ESCO1: variants seen among roughly 807,000 people sequenced by gnomAD.
ESCO1 encodes N-acetyltransferase ESCO1.
ESCO1 carries 33 observed loss-of-function variants against 83.5 expected under a neutral mutation model. That is an observed-to-expected ratio of 0.40 (90% confidence interval 0.30 to 0.53). The LOEUF (loss-of-function observed/expected upper bound fraction) is 0.53. Among genes scored for constraint, ESCO1 ranks in the 20% least tolerant of loss-of-function variants. ESCO1 has a pLI of 0.63. For synonymous variants in ESCO1, 332 were observed against 324.3 expected (o/e 1.02, Z -0.25); for missense variants, 855 against 968.0 (o/e 0.88, Z 1.55).
At chr18:21,585,839 C>T (rs1199582079) in intron 1 of ESCO1, among the ~76,000 whole-genome samples, 1 of 152,088 alleles carries the variant, frequency 6.6e-6, no homozygotes, top group Non-Finnish European at 1.5e-5. Flanking sequence ...GCCATTCTCC[C>T]ACCTCGGCCT....
Position 21,573,860 on chromosome 18 carries a change from C to T in ESCO1, c.984G>A (p.Met328Ile), listed in dbSNP as rs2038376654. Residue 328 changes from methionine (M) to isoleucine (I), a missense_variant, in exon 4 of 12, where the codon ATG becomes ATA. Transcript: ENST00000269214. ...NVEVKKESSQ[M>I]ESVKEEKPTE... is the part of the protein sequence containing the mutation. ...TGGGCTTTTCTTCCTTTACACTTTC[C>T]ATTTGTGAAGATTCCTTTTTTACCT... 10 of 1,613,882 alleles carry T rather than the reference C, an allele frequency of 6.2e-6. No homozygotes were observed. The highest frequency in any genetic ancestry group is 8.5e-6 in the Non-Finnish European group (10 of 1,180,024).
In ESCO1 at chr18:21,529,614, TGAAA is replaced by T. The variant is rs1482693346; in HGVS notation, c.*725_*728del. ...ATTTATTTTAAAAGTGAAACCAGAA[TGAAA>T]GAATAATGAATCTAGGAGGGTACCT... On this transcript the variant is annotated 3_prime_UTR_variant, in exon 12 of 12. Coordinates refer to ENST00000269214, the MANE Select transcript of ESCO1 (RefSeq NM_052911.3). 5.5e-4 allele frequency: 84 copies of T among 152,244 alleles called. No homozygotes were observed. The highest frequency in any genetic ancestry group is 1.9e-3 in the African/African-American group (79 of 41,554). 9.4% of individuals were successfully genotyped at this position (152,244 alleles called of 1,614,324 possible). A position where few individuals can be genotyped will look rare whatever the true frequency, so the allele number is the denominator to read the frequency against.
intron 1 of ESCO1, among the ~76,000 whole-genome samples, chr18:21,585,621 C>T (rs1235561462): frequency 6.6e-6 from 1 of 152,060 alleles, no homozygotes; most frequent in African/African-American, 2.4e-5. Context: ...CAAAACTTTG[C>T]TACTCTTTTT....
At chr18:21,587,354 T>C (rs2038596578) in intron 1 of ESCO1, among the ~76,000 whole-genome samples, 1 of 152,210 alleles carries the variant, frequency 6.6e-6, no homozygotes, top group Non-Finnish European at 1.5e-5. Flanking sequence ...TCTTTAAATG[T>C]TTGGTAGATT....
chr18:21,553,583 C>T (rs1555669773), intron 8 of ESCO1, among the ~76,000 whole-genome samples: 1 of 151,486 alleles, frequency 6.6e-6, no homozygotes, highest in Non-Finnish European at 1.5e-5. Context: ...CCTGGCTGGA[C>T]ACAGTGGCTT....
intron 8 of ESCO1, among the ~76,000 whole-genome samples, chr18:21,547,108 A>G (rs1038439687): frequency 5.9e-5 from 9 of 152,128 alleles, no homozygotes; most frequent in African/African-American, 1.9e-4. Context: ...GACTTTTCCA[A>G]TCTTTGTCAT....
rs1162009204 is a variant in ESCO1 at position 21,557,799 on chromosome 18, C to T, written c.1953+3060G>A. On this transcript the variant is annotated intron_variant, in intron 8 of 11. Coordinates refer to ENST00000269214, the MANE Select transcript of ESCO1 (RefSeq NM_052911.3). ...TTCTGGCAGTTTCCTGGCCTTGCAA[C>T]GTGGCTCAATATGTATGCCAGGGGA... 3.9e-5 allele frequency among the ~76,000 whole-genome samples: 6 copies of T among 152,100 alleles called. No individual in the cohort carries two copies. In the East Asian group the frequency reaches 9.6e-4, roughly 24 times the overall value.
intron 1 of ESCO1, among the ~76,000 whole-genome samples, chr18:21,592,759 C>T (rs1318709760): frequency 1.4e-5 from 2 of 142,296 alleles, no homozygotes; most frequent in East Asian, 2.3e-4. Context: ...TCAGACGGGG[C>T]GGCTGCCGGG....
intron 7 of ESCO1, among the ~76,000 whole-genome samples, chr18:21,563,919 TAAAA>T (rs11453582): frequency 7.0e-6 from 1 of 142,362 alleles, no homozygotes; most frequent in Non-Finnish European, 1.5e-5. Flanking sequence ...TGAGCAGGGT[TAAAA>T]AAAAAAAAAA....
At chr18:21,586,731 T>C (rs903670605) in intron 1 of ESCO1, among the ~76,000 whole-genome samples, 2 of 152,196 alleles carry the variant, frequency 1.3e-5, no homozygotes, top group African/African-American at 4.8e-5. Flanking sequence ...TGGACGCCTT[T>C]TATTTCTTTC....
In ESCO1 at chr18:21,530,142, G is replaced by C. The variant is rs2037747931; in HGVS notation, c.*201C>G. 2 of 399,998 alleles carry C rather than the reference G, an allele frequency of 5.0e-6. No individual in the cohort carries two copies. Among genetic ancestry groups the C allele is most frequent in the Non-Finnish European group, 8.9e-6 (2 of 225,760 alleles). The allele number at this position is 399,998 out of a possible 1,614,324, so 24.8% of individuals were successfully genotyped here. ...ACATCAATCATAAATTTCTGTAAAA[G>C]ATAATAAAATATCTTCTTTAAAAAA... On this transcript the variant is annotated 3_prime_UTR_variant, in exon 12 of 12. Transcript: ENST00000269214.
chr18:21,592,289 C>T (rs905149402), intron 1 of ESCO1, among the ~76,000 whole-genome samples: 1 of 151,456 alleles, frequency 6.6e-6, no homozygotes, highest in East Asian at 2.0e-4. Flanking sequence ...GGCAGCTGGC[C>T]GGGCAGAGGG....
At chr18:21,532,410 C>A in intron 11 of ESCO1, 63 bp downstream of exon 11, 1 of 1,497,020 alleles carries the variant, frequency 6.7e-7, no homozygotes, top group Non-Finnish European at 9.0e-7. Flanking sequence ...CCAATCTTTA[C>A]ACTAAAGCTC....
At chr18:21,531,128 A>G (rs1413899134) in intron 11 of ESCO1, among the ~76,000 whole-genome samples, 1 of 152,218 alleles carries the variant, frequency 6.6e-6, no homozygotes, top group East Asian at 1.9e-4. Context: ...AAAAAAGTCC[A>G]TTTATAATAA....
chr18:21,587,993 G>A (rs566312395), intron 1 of ESCO1, among the ~76,000 whole-genome samples: 1 of 151,816 alleles, frequency 6.6e-6, no homozygotes, highest in Non-Finnish European at 1.5e-5. Flanking sequence ...GGAGGCTCAT[G>A]TGAGAGGATC....
At chr18:21,577,726 C>T (rs2038440030) in intron 2 of ESCO1, among the ~76,000 whole-genome samples, 1 of 150,556 alleles carries the variant, frequency 6.6e-6, no homozygotes. Flanking sequence ...ACTCAGAAGA[C>T]TAGAGGTATA....
rs1272325731 is a variant in ESCO1 at position 21,571,233 on chromosome 18, G to A, written c.1530+2081C>T. Among the ~76,000 whole-genome samples the A allele has an allele frequency of 2.6e-5, 4 of 152,042 alleles. No homozygotes were observed. In the East Asian group the frequency reaches 7.8e-4, roughly 30 times the overall value. On this transcript the variant is annotated intron_variant, in intron 4 of 11. Transcript: ENST00000269214. ...GACAGACTTTCACTCTGTCACCCAG[G>A]CTGGAGTACAGTGGCGTGATCTTGG...
intron 8 of ESCO1, among the ~76,000 whole-genome samples, chr18:21,560,409 C>T (rs1178255957): frequency 6.6e-6 from 1 of 150,558 alleles, no homozygotes; most frequent in East Asian, 1.9e-4. Context: ...AAAGAAAAAC[C>T]CTCATGATAA....
chr18:21,581,563 A>G (rs1032553921), intron 2 of ESCO1, among the ~76,000 whole-genome samples: 1 of 152,030 alleles, frequency 6.6e-6, no homozygotes, highest in African/African-American at 2.4e-5. Context: ...ATGAGGTGAG[A>G]TGGCGCCATT....
Sources: allele counts gnomAD v4.1 joint callset (sites outside exome capture counted in the v4.1 genomes callset), GRCh38; gene constraint gnomAD v4.1.1; transcripts MANE v1.5; gene names NCBI Gene and HGNC (gene_info 2026-07-23, HGNC 2026-07-21).